The following FKBP8 variants were observed in gnomAD, a reference collection of about 807,000 sequenced individuals.
The protein encoded by FKBP8 is FKBP prolyl isomerase 8.
A neutral mutation model predicts 41.7 loss-of-function variants in FKBP8; 5 were observed. The observed-to-expected ratio is 0.12, with a 90% CI of 0.06 to 0.25. The LOEUF (loss-of-function observed/expected upper bound fraction) is 0.25, where lower values mean the gene tolerates loss of function less well. Ranked by LOEUF, FKBP8 falls within the 10% of genes least tolerant of loss-of-function variation. FKBP8 has a pLI of 1.00. For synonymous variants in FKBP8, 279 were observed against 254.5 expected (o/e 1.10, Z -0.92); for missense variants, 397 against 563.0 (o/e 0.71, Z 2.98).
At chr19:18,532,932 T>C (rs2145182937) in intron 7 of FKBP8, 137 bp from the exon 8 acceptor site, 1 of 1,404,112 alleles carries the variant, frequency 7.1e-7, no homozygotes, top group Middle Eastern at 2.5e-4. Context: ...TTTCTGGGCT[T>C]AGCAAAGTCA....
In FKBP8 at chr19:18,537,779, G is replaced by A. The variant is rs1251986193; in HGVS notation, c.773-6C>T. 1 of 1,601,444 alleles carries A rather than the reference G, an allele frequency of 6.2e-7. No individual in the cohort carries two copies. The highest frequency in any genetic ancestry group is 1.7e-5 in the Admixed American group (1 of 59,468). Reference sequence around the variant, plus strand: ...CTCCTCGAACGTCATGTCCACTATTGGGAGACAGTGCCCGCCACGGCAGCC... The same window carrying A: ...CTCCTCGAACGTCATGTCCACTATTAGGAGACAGTGCCCGCCACGGCAGCC... On this transcript the variant is annotated splice_polypyrimidine_tract_variant and splice_region_variant and intron_variant, in intron 5 of 8. Coordinates refer to ENST00000608443, the MANE Select transcript of FKBP8 (RefSeq NM_012181.5). This position sits in a 1 kb window ranked among gnomAD's most constrained non-coding sequence, Gnocchi z 4.4.
chr19:18,542,915 C>T (rs1217391956), intron 1 of FKBP8: 7 of 1,281,226 alleles, frequency 5.5e-6, no homozygotes, highest in Non-Finnish European at 7.1e-6. Context: ...GCTCGGAGCC[C>T]CACTTTGAGA....
chr19:18,543,001 C>A (rs1171364085), intron 1 of FKBP8: 1 of 879,166 alleles, frequency 1.1e-6, no homozygotes, highest in Non-Finnish European at 1.5e-6. Context: ...CCACCCCAAC[C>A]ACCACCGCCC....
At chr19:18,540,701 G>C (rs1320635072) in intron 2 of FKBP8, among the ~76,000 whole-genome samples, 1 of 152,060 alleles carries the variant, frequency 6.6e-6, no homozygotes, top group Non-Finnish European at 1.5e-5. Context: ...GTGAAACCCT[G>C]TCTCTACTAA....
Position 18,537,519 on chromosome 19 carries a change from T to C in FKBP8, c.945+82A>G. The C allele has an allele frequency of 7.4e-7, 1 of 1,342,836 alleles. No individual in the cohort carries two copies. Among genetic ancestry groups the C allele is most frequent in the East Asian group, 2.5e-5 (1 of 40,098 alleles). 83.2% of individuals were successfully genotyped at this position (1,342,836 alleles called of 1,614,324 possible). A position where few individuals can be genotyped will look rare whatever the true frequency, so the allele number is the denominator to read the frequency against. On this transcript the variant is annotated intron_variant, in intron 6 of 8. Transcript: ENST00000608443. This position sits in a 1 kb window ranked among gnomAD's most constrained non-coding sequence, Gnocchi z 4.4. The stretch of plus-strand genomic sequence containing the variant: ...AGAGCTCAGCTGGCTTATATACCTA[T>C]GCCTTTCTCAAATGCAGGGTTGGGG...
intron 2 of FKBP8, among the ~76,000 whole-genome samples, chr19:18,539,992 T>G (rs7248433): frequency 0.057 from 8,706 of 151,944 alleles, 823 homozygotes; most frequent in African/African-American, 0.2. Flanking sequence ...CTGGTTTTTT[T>G]GTTTTTTTGT....
chr19:18,536,283 A>G (rs1976573886), intron 6 of FKBP8: 1 of 152,162 alleles, frequency 6.6e-6, no homozygotes, highest in Non-Finnish European at 1.5e-5. Context: ...GGATGAACAG[A>G]AAAGGGGGTG....
rs779321105 is a variant in FKBP8, at chr19:18,537,676, G to A, written c.870C>T (p.Arg290=). Residue 290 remains arginine, a synonymous_variant, in exon 6 of 9, where the codon CGC becomes CGT. Coordinates refer to ENST00000608443, the MANE Select transcript of FKBP8 (RefSeq NM_012181.5). This position sits in a 1 kb window ranked among gnomAD's most constrained non-coding sequence, Gnocchi z 4.4. ...CAAGGCTGCAGGAGCGCAGGGCTGC[G>A]CGGTAGTGGTCGAGCTTCAGCTGCG... ...AASQLKLDHY[R]AALRSCSLVL... 2.7e-5 allele frequency: 44 copies of A among 1,613,742 alleles called. No homozygotes were observed. The South Asian group carries it at 3.3e-4, about 12-fold the overall frequency.
chr19:18,542,250 T>C (rs1362916958), intron 1 of FKBP8: 1 of 425,030 alleles, frequency 2.4e-6, no homozygotes, highest in Non-Finnish European at 4.1e-6. Flanking sequence ...TGTTTACAAA[T>C]ACTCCAGGAA....
chr19:18,532,327 C>G (rs1259907242), intron 8 of FKBP8, 72 bp from the exon 9 acceptor site: 3 of 1,384,180 alleles, frequency 2.2e-6, no homozygotes, highest in Non-Finnish European at 3.0e-6. Context: ...CAGCTGCCAG[C>G]ACAGCCCAAA....
At chr19:18,543,111 T>C (rs10402554) in intron 1 of FKBP8, 26,482 of 205,038 alleles carry the variant, frequency 0.13, 6,321 homozygotes, top group African/African-American at 0.67. Context: ...CACCCCACGC[T>C]CTCCTGACGC....
chr19:18,535,029 C>A (rs1467009650), intron 6 of FKBP8, among the ~76,000 whole-genome samples: 3 of 152,124 alleles, frequency 2.0e-5, no homozygotes, highest in African/African-American at 7.2e-5. Flanking sequence ...AAGTGATCCA[C>A]CTGCCTCAGC....
Position 18,532,024 on chromosome 19 carries a change from TG to T in FKBP8, c.*144del. On this transcript the variant is annotated 3_prime_UTR_variant, in exon 9 of 9. Coordinates refer to ENST00000608443, the MANE Select transcript of FKBP8 (RefSeq NM_012181.5). Reference sequence around the variant, plus strand: ...GAGGGCCTCAGTCCCTCCTGCTGGCTGGGCTGCACGACCCCCAATCCTTGCT... The same window carrying T: ...GAGGGCCTCAGTCCCTCCTGCTGGCTGGCTGCACGACCCCCAATCCTTGCT... 1 of 699,868 alleles carries T rather than the reference TG, an allele frequency of 1.4e-6. No individual in the cohort carries two copies. The highest frequency in any genetic ancestry group is 2.5e-6 in the Non-Finnish European group (1 of 400,494). 43.4% of individuals were successfully genotyped at this position (699,868 alleles called of 1,614,324 possible).
chr19:18,535,723 CAA>C (rs1287946475), intron 6 of FKBP8, among the ~76,000 whole-genome samples: 19 of 55,432 alleles, frequency 3.4e-4, no homozygotes, highest in Admixed American at 2.6e-4. Context: ...GACTCTGTCT[CAA>C]AAAAAAAAAA....
In FKBP8 at chr19:18,532,047, T is replaced by A; in HGVS notation, c.*122A>T. The A allele has an allele frequency of 1.2e-6, 1 of 856,080 alleles. No individual in the cohort carries two copies. The highest frequency in any genetic ancestry group is 1.9e-6 in the Non-Finnish European group (1 of 531,134). 53.0% of individuals were successfully genotyped at this position (856,080 alleles called of 1,614,324 possible). A position where few individuals can be genotyped will look rare whatever the true frequency, so the allele number is the denominator to read the frequency against. On this transcript the variant is annotated 3_prime_UTR_variant, in exon 9 of 9. Transcript: ENST00000608443. Reference sequence around the variant, plus strand: ...GCTGGGCTGCACGACCCCCAATCCTTGCTCCCCTAACCCGGAGGAGGGGGC... The same window carrying A: ...GCTGGGCTGCACGACCCCCAATCCTAGCTCCCCTAACCCGGAGGAGGGGGC...
intron 6 of FKBP8, among the ~76,000 whole-genome samples, chr19:18,536,469 A>T (rs2145187974): frequency 6.6e-6 from 1 of 152,240 alleles, no homozygotes; most frequent in Admixed American, 6.5e-5. Flanking sequence ...AGCCATCCTC[A>T]GCCTCCTGAG....
In FKBP8 at chr19:18,539,680, C is replaced by T. The variant is rs550480174; in HGVS notation, c.333G>A (p.Pro111=). 22 of 1,610,416 alleles carry T rather than the reference C, an allele frequency of 1.4e-5. No individual in the cohort carries two copies. The highest frequency in any genetic ancestry group is 8.8e-5 in the South Asian group (8 of 91,094). ...CCTTGACCGGGCGGCTCGAACCTGG[C>T]GGCCCTGGGACCAGCGTCTTCTTCC... is the stretch of plus-strand genomic sequence containing the variant. The part of the protein sequence containing the change: ...LLRKKTLVPG[P]PGSSRPVKGQ... The change falls in exon 3 of 9, where the codon CCG becomes CCA. Residue 111 remains proline, a synonymous_variant. Coordinates refer to ENST00000608443, the MANE Select transcript of FKBP8 (RefSeq NM_012181.5).
In FKBP8 at chr19:18,531,933, T is replaced by G. The variant is rs1600526106; in HGVS notation, c.*236A>C. ...CTGGCGGAGACCTAGCCCAGCGGGG[T>G]AAGGAGGGTGGGGGAAAACTGGGTC... On this transcript the variant is annotated 3_prime_UTR_variant, in exon 9 of 9. Transcript: ENST00000608443. The G allele has an allele frequency of 1.9e-6, 1 of 531,824 alleles. No individual in the cohort carries two copies. The highest frequency in any genetic ancestry group is 3.4e-6 in the Non-Finnish European group (1 of 293,912). 32.9% of individuals were successfully genotyped at this position (531,824 alleles called of 1,614,324 possible). A position where few individuals can be genotyped will look rare whatever the true frequency, so the allele number is the denominator to read the frequency against.
chr19:18,535,747 G>C (rs931801651), intron 6 of FKBP8, among the ~76,000 whole-genome samples: 1 of 149,792 alleles, frequency 6.7e-6, no homozygotes, highest in Non-Finnish European at 1.5e-5. Flanking sequence ...AAAGGAGGGG[G>C]TAGAAGATGG....
Sources: allele counts gnomAD v4.1 joint callset (sites outside exome capture counted in the v4.1 genomes callset), GRCh38; gene constraint gnomAD v4.1.1; non-coding constraint Gnocchi (gnomAD v3.1); transcripts MANE v1.5; gene names NCBI Gene and HGNC (gene_info 2026-07-23, HGNC 2026-07-21).